The following GALK2 variants were observed in gnomAD, a reference collection of about 807,000 sequenced individuals.
GALK2 encodes galactokinase 2, also known as N-acetylgalactosamine kinase.
GALK2 carries 36 observed loss-of-function variants against 52.4 expected under a neutral mutation model. The ratio of observed to expected loss-of-function variants is 0.69; its 90% CI spans 0.53 to 0.91. The LOEUF (loss-of-function observed/expected upper bound fraction) is 0.91, where lower values mean the gene tolerates loss of function less well. Ranked by LOEUF, GALK2 falls within the 40% of genes least tolerant of loss-of-function variation. GALK2 has a pLI of 0.00. For missense variants in GALK2, 579 were observed against 559.1 expected, an observed-to-expected ratio of 1.04 and a Z score of -0.36; for synonymous variants, 176 against 199.1, an observed-to-expected ratio of 0.88 and a Z score of 0.98.
At chr15:49,350,568 G>T (rs977087460) in intron 3 of GALK2, among the ~76,000 whole-genome samples, 2 of 152,108 alleles carry the variant, frequency 1.3e-5, no homozygotes, top group Non-Finnish European at 2.9e-5. Flanking sequence ...TGTCTTTTAT[G>T]GGCTAGTTCC....
intron 8 of GALK2, among the ~76,000 whole-genome samples, chr15:49,307,691 A>G (rs1389488357): frequency 1.3e-5 from 2 of 152,186 alleles, no homozygotes; most frequent in African/African-American, 4.8e-5. Flanking sequence ...AAAATGTACT[A>G]TGGAACAGAC....
At chr15:49,262,340 T>C (rs2092153191) in intron 5 of GALK2, among the ~76,000 whole-genome samples, 1 of 152,208 alleles carries the variant, frequency 6.6e-6, no homozygotes. Flanking sequence ...TTCTGGATTT[T>C]CTAGTTTATT....
chr15:49,294,138 CT>C (rs2034220617), intron 8 of GALK2, among the ~76,000 whole-genome samples: 1 of 103,534 alleles, frequency 9.7e-6, no homozygotes, highest in African/African-American at 3.9e-5. Flanking sequence ...AAGACCCTGT[CT>C]CAAATAAATA....
rs147370110 is a variant in GALK2 at position 49,158,397 on chromosome 15, A to C, written c.20+2381A>C. On this transcript the variant is annotated intron_variant, in intron 1 of 9. Transcript: ENST00000327171. ...AAACTACCTAGTTTATTTTTAGTTC[A>C]GTACAATAATTGTTTTAAGAAAACA... Among the ~76,000 whole-genome samples, 608 of 152,370 alleles carry C rather than the reference A, an allele frequency of 4.0e-3. 5 individuals are homozygous for C. Among genetic ancestry groups the C allele is most frequent in the African/African-American group, 0.014 (576 of 41,596 alleles).
Position 49,319,648 on chromosome 15 carries a change from G to C in GALK2, c.1012G>C (p.Glu338Gln). 1 of 1,614,118 alleles carries C rather than the reference G, an allele frequency of 6.2e-7. No homozygotes were observed. Among genetic ancestry groups the C allele is most frequent in the Non-Finnish European group, 8.5e-7 (1 of 1,180,024 alleles). The change falls in exon 9 of 10, where the codon GAG becomes CAG. Residue 338 changes from glutamate to glutamine, a missense_variant. Physicochemically the swap from Glu to Gln is conservative, Grantham distance 29. Coordinates refer to ENST00000560031, the MANE Select transcript of GALK2 (RefSeq NM_002044.4). ...TCAGCGGGCAAAGCATGTGTACAGC[G>C]AGGCTGCGCGAGTGCTCCAGTTTAA... ...LYQRAKHVYS[E>Q]AARVLQFKKI...
chr15:49,267,926 G>T (rs534641382), intron 5 of GALK2, among the ~76,000 whole-genome samples: 1 of 152,266 alleles, frequency 6.6e-6, no homozygotes, highest in South Asian at 2.1e-4. Context: ...TGAAGCAAAA[G>T]AAAGTGATAT....
chr15:49,250,876 C>A (rs944885360), intron 5 of GALK2, among the ~76,000 whole-genome samples: 13 of 152,034 alleles, frequency 8.6e-5, no homozygotes, highest in Non-Finnish European at 2.9e-5. Context: ...CCTACTATAT[C>A]CAAAGCAAAC....
At chr15:49,354,386 C>T (rs1373901694) in intron 3 of GALK2, among the ~76,000 whole-genome samples, 3 of 152,194 alleles carry the variant, frequency 2.0e-5, no homozygotes, top group Middle Eastern at 3.4e-3. Context: ...TCAGTGGGTG[C>T]GCGCACCGTG....
intron 5 of GALK2, among the ~76,000 whole-genome samples, chr15:49,278,267 A>G (rs2032178296): frequency 6.6e-6 from 1 of 152,224 alleles, no homozygotes; most frequent in African/African-American, 2.4e-5. Flanking sequence ...ACTCAAAAAA[A>G]CAAAAACAAA....
intron 5 of GALK2, among the ~76,000 whole-genome samples, chr15:49,273,294 T>C (rs1366763364): frequency 6.6e-6 from 1 of 152,212 alleles, no homozygotes; most frequent in Non-Finnish European, 1.5e-5. Flanking sequence ...CTCACTGTTG[T>C]TGTTTTTTTC....
intron 5 of GALK2, among the ~76,000 whole-genome samples, chr15:49,252,561 A>G (rs957701966): frequency 6.6e-6 from 1 of 152,172 alleles, no homozygotes; most frequent in African/African-American, 2.4e-5. Flanking sequence ...AGGATATGCT[A>G]TACTTTATTT....
intron 1 of GALK2, among the ~76,000 whole-genome samples, chr15:49,157,996 A>G (rs570962077): frequency 1.3e-5 from 2 of 151,664 alleles, no homozygotes; most frequent in Non-Finnish European, 2.9e-5. Flanking sequence ...CCAAGGGAAT[A>G]ATGAATTTTT....
At chr15:49,355,797 C>T (rs1312923499) in intron 3 of GALK2, among the ~76,000 whole-genome samples, 1 of 151,840 alleles carries the variant, frequency 6.6e-6, no homozygotes, top group Non-Finnish European at 1.5e-5. Context: ...GTCAGATTCA[C>T]CAAAGTTGAA....
At chr15:49,321,187 C>T (rs571557177) in intron 9 of GALK2, among the ~76,000 whole-genome samples, 8 of 152,236 alleles carry the variant, frequency 5.3e-5, no homozygotes, top group South Asian at 2.1e-4. Flanking sequence ...GTCACTCTGA[C>T]GAAGAGATCT....
chr15:49,299,763 C>CTTTCT (rs2034899474), intron 8 of GALK2, among the ~76,000 whole-genome samples: 1 of 112,792 alleles, frequency 8.9e-6, no homozygotes, highest in Non-Finnish European at 1.9e-5. Context: ...TTCTTTCTTT[C>CTTTCT]TTTCTTTCTT....
chr15:49,173,542 A>C (rs960031260), intron 1 of GALK2, among the ~76,000 whole-genome samples: 2 of 152,076 alleles, frequency 1.3e-5, no homozygotes. Flanking sequence ...GCCAATTTCT[A>C]CTTCTCTTCT....
rs563041502 is a variant in GALK2, at chr15:49,203,270, T to G, written c.142+2020T>G. On this transcript the variant is annotated intron_variant, in intron 2 of 9. Transcript: ENST00000560031. ...TTCACCATGTTGGCCAGGATGGTCT[T>G]GAACTCCTGACCTCAGATGATCTGC... is the stretch of plus-strand genomic sequence containing the variant. 5.9e-5 allele frequency among the ~76,000 whole-genome samples: 9 copies of G among 152,204 alleles called. No homozygotes were observed. The East Asian group carries it at 1.7e-3, about 29-fold the overall frequency.
intron 3 of GALK2, among the ~76,000 whole-genome samples, chr15:49,348,851 G>T (rs2041883816): frequency 4.6e-5 from 7 of 152,152 alleles, no homozygotes. Context: ...ATTTGAAAAT[G>T]AAGTTTTCTT....
At position 49,328,649 on chromosome 15, in the gene GALK2, T is replaced by A. The variant is rs960806833; in HGVS notation, c.*490T>A. 3 of 1,572,852 alleles carry A rather than the reference T, an allele frequency of 1.9e-6. No homozygotes were observed. The highest frequency in any genetic ancestry group is 2.6e-6 in the Non-Finnish European group (3 of 1,155,804). On this transcript the variant is annotated 3_prime_UTR_variant, in exon 10 of 10. Coordinates refer to ENST00000560031, the MANE Select transcript of GALK2 (RefSeq NM_002044.4). ...ATGATGACGATAGTGATGCCACACATTCTCTCTCAATTTCAGCTTCGGAAC... is the reference window on the plus strand; with the variant it reads ...ATGATGACGATAGTGATGCCACACAATCTCTCTCAATTTCAGCTTCGGAAC...
Sources: gnomAD v4.1 joint callset for allele counts (sites outside exome capture counted in the v4.1 genomes callset) on GRCh38, gnomAD v4.1.1 for gene constraint, MANE v1.5 for transcripts, NCBI Gene and HGNC (gene_info 2026-07-23, HGNC 2026-07-21) for gene names.